Variants in DIAPH2 observed in about 807,000 individuals in gnomAD.
The protein encoded by DIAPH2 is diaphanous related formin 2.
In DIAPH2, 35 loss-of-function variants were observed where a neutral mutation model predicts 92.7. That is an observed-to-expected ratio of 0.38 (90% CI 0.29 to 0.50). DIAPH2 has a LOEUF of 0.50. Among genes scored for constraint, DIAPH2 ranks in the 20% least tolerant of loss-of-function variants. The pLI is 0.94. For missense variants in DIAPH2, 701 were observed against 819.5 expected (o/e 0.86, Z 1.77); for synonymous variants, 301 against 280.4 (o/e 1.07, Z -0.73).
chrX:96,791,097 C>G (rs769628753), intron 4 of DIAPH2, among the ~76,000 whole-genome samples: 9 of 111,766 alleles, frequency 8.1e-5, no homozygotes, highest in Non-Finnish European at 1.3e-4. Flanking sequence ...ATTTTGCTCT[C>G]TTTATGAAAA....
intron 26 of DIAPH2, chrX:97,564,654 T>C (rs1392896771): frequency 3.6e-5 from 4 of 111,987 alleles, no homozygotes; most frequent in Non-Finnish European, 7.5e-5. Context: ...ACAGTAAGAA[T>C]TAAGTTTCAA....
At chrX:97,284,534 C>T (rs1467555049) in intron 23 of DIAPH2, among the ~76,000 whole-genome samples, 1 of 107,137 alleles carries the variant, frequency 9.3e-6, no homozygotes, top group African/African-American at 3.4e-5. Context: ...CGCTTGAACC[C>T]GGGAGGCGGA....
intron 26 of DIAPH2, among the ~76,000 whole-genome samples, chrX:97,524,909 T>G (rs1039468672): frequency 4.6e-4 from 52 of 112,417 alleles, no homozygotes; most frequent in African/African-American, 1.6e-3. Context: ...TTCCTGGAAC[T>G]TAAGGCTTGC....
chrX:96,906,042 T>C (rs948605397), intron 5 of DIAPH2, among the ~76,000 whole-genome samples: 1 of 112,281 alleles, frequency 8.9e-6, no homozygotes, highest in African/African-American at 3.2e-5. Context: ...GGCAGGAGAA[T>C]GGGGTGAACC....
At chrX:97,369,127 C>T (rs749587097) in intron 24 of DIAPH2, among the ~76,000 whole-genome samples, 14 of 110,124 alleles carry the variant, frequency 1.3e-4, no homozygotes, top group Admixed American at 7.8e-4. Context: ...AGGCTGGTCT[C>T]GAACTCCCTA....
chrX:96,992,118 A>G (rs780149233), intron 17 of DIAPH2, among the ~76,000 whole-genome samples: 1 of 111,341 alleles, frequency 9.0e-6, no homozygotes, highest in South Asian at 3.9e-4. Context: ...TGTTATTTAA[A>G]GTTCATAGAT....
chrX:96,992,844 T>A, intron 17 of DIAPH2, among the ~76,000 whole-genome samples: 1 of 111,626 alleles, frequency 9.0e-6, no homozygotes, highest in Non-Finnish European at 1.9e-5. Flanking sequence ...AGAGACTATC[T>A]TTAAGTGGGG....
chrX:97,594,148 G>A (rs1462660547), intron 26 of DIAPH2, among the ~76,000 whole-genome samples: 1 of 106,872 alleles, frequency 9.4e-6, no homozygotes, highest in East Asian at 2.9e-4. Context: ...AAATGAAAAG[G>A]TAGAACACCA....
At chrX:96,785,558 G>A (rs1386978576) in intron 4 of DIAPH2, among the ~76,000 whole-genome samples, 2 of 73,787 alleles carry the variant, frequency 2.7e-5, no homozygotes, top group South Asian at 8.3e-4. Flanking sequence ...ATCTGCGCTC[G>A]CCTCCTGGGT....
intron 26 of DIAPH2, chrX:97,453,994 A>G (rs2070380803): frequency 8.9e-6 from 1 of 111,861 alleles, no homozygotes; most frequent in African/African-American, 3.3e-5. Flanking sequence ...AATGCTATCT[A>G]TCTCTTCAAA....
chrX:97,597,619 T>C (rs764766441), intron 26 of DIAPH2, among the ~76,000 whole-genome samples: 1 of 112,191 alleles, frequency 8.9e-6, no homozygotes, highest in South Asian at 3.8e-4. Context: ...GCTTTAACAC[T>C]GAATACTTTC....
intron 21 of DIAPH2, among the ~76,000 whole-genome samples, chrX:97,125,147 T>G (rs979640617): frequency 3.6e-5 from 4 of 111,206 alleles, no homozygotes; most frequent in Non-Finnish European, 5.7e-5. Flanking sequence ...AAATGTTCCT[T>G]TGTATACATC....
chrX:97,126,392 C>A (rs182449166), intron 21 of DIAPH2, among the ~76,000 whole-genome samples: 3 of 111,886 alleles, frequency 2.7e-5, no homozygotes, highest in East Asian at 5.6e-4. Flanking sequence ...TAAAATAAAG[C>A]TCTGTGATAA....
At chrX:97,514,988 G>A (rs1362607642) in intron 26 of DIAPH2, among the ~76,000 whole-genome samples, 6 of 110,602 alleles carry the variant, frequency 5.4e-5, no homozygotes, top group African/African-American at 1.6e-4. Flanking sequence ...GCCCCCAGAG[G>A]TGGAGCCTAC....
intron 21 of DIAPH2, among the ~76,000 whole-genome samples, chrX:97,131,675 A>ATCT (rs1366562188): frequency 8.9e-6 from 1 of 112,504 alleles, no homozygotes; most frequent in African/African-American, 3.2e-5. Flanking sequence ...AGAAGAAACC[A>ATCT]TCTAACACCA....
intron 19 of DIAPH2, among the ~76,000 whole-genome samples, chrX:97,083,165 A>G (rs2066759254): frequency 8.9e-6 from 1 of 112,081 alleles, no homozygotes. Context: ...AATCTTTTAA[A>G]GACTTGTGAT....
chrX:96,716,720 A>G (rs1276212177), intron 1 of DIAPH2, among the ~76,000 whole-genome samples: 2 of 111,222 alleles, frequency 1.8e-5, no homozygotes, highest in Admixed American at 1.9e-4. Flanking sequence ...GTTTACTAGA[A>G]CACCCCAGTA....
chrX:96,709,142 A>T (rs2063903830), intron 1 of DIAPH2, among the ~76,000 whole-genome samples: 1 of 112,544 alleles, frequency 8.9e-6, no homozygotes, highest in Non-Finnish European at 1.9e-5. Flanking sequence ...ACTGAGGTAA[A>T]TGATGAATAT....
intron 10 of DIAPH2, among the ~76,000 whole-genome samples, chrX:96,935,649 C>T (rs1437388016): frequency 1.8e-5 from 2 of 111,001 alleles, no homozygotes; most frequent in African/African-American, 6.5e-5. Flanking sequence ...TTATATTGTG[C>T]TATATGTGCT....
Sources: gnomAD v4.1 joint callset for allele counts (sites outside exome capture counted in the v4.1 genomes callset) on GRCh38, gnomAD v4.1.1 for gene constraint, MANE v1.5 for transcripts, NCBI Gene and HGNC (gene_info 2026-07-23, HGNC 2026-07-21) for gene names.